CDADC1: variants seen among roughly 807,000 people sequenced by gnomAD.
The protein encoded by CDADC1 is cytidine and dCMP deaminase domain containing 1.
A neutral mutation model predicts 54.9 loss-of-function variants in CDADC1; 39 were observed. That is an observed-to-expected ratio of 0.71 (90% CI 0.55 to 0.93). CDADC1 has a LOEUF of 0.93. CDADC1 is among the 40% of genes least tolerant of loss of function. CDADC1 has a pLI of 0.00. For synonymous variants in CDADC1, 186 were observed against 204.0 expected (o/e 0.91, Z 0.75); for missense variants, 518 against 618.8 (o/e 0.84, Z 1.73).
Position 49,259,391 on chromosome 13 carries a change from G to T in CDADC1, c.298G>T (p.Gly100Cys). The T allele has an allele frequency of 6.2e-7, 1 of 1,613,396 alleles. No individual in the cohort carries two copies. The highest frequency in any genetic ancestry group is 2.2e-5 in the East Asian group (1 of 44,860). ...GGTGGTGAAAAACATGAAAATTGTT[G>T]GTCTCCACTGTTCTAGTGAAGATTT... The part of the protein sequence containing the change: ...LVVVKNMKIV[G>C]LHCSSEDLHA... Residue 100 changes from glycine (G) to cysteine (C), a missense_variant, in exon 4 of 10, where the codon GGT becomes TGT. Physicochemically the swap from Gly to Cys is radical, Grantham distance 159. Transcript: ENST00000251108.
In CDADC1 at chr13:49,277,509, G is replaced by T. The variant is rs573521513; in HGVS notation, c.1051-841G>T. 1.1e-4 allele frequency among the ~76,000 whole-genome samples: 17 copies of T among 152,204 alleles called. No individual in the cohort carries two copies. In the South Asian group the frequency reaches 3.5e-3, roughly 32 times the overall value. On this transcript the variant is annotated intron_variant, in intron 6 of 9. Coordinates refer to ENST00000251108, the MANE Select transcript of CDADC1 (RefSeq NM_030911.4). Reference sequence around the variant, plus strand: ...AATGTTCAAACAGATTTATTAATGAGATAATATTTTGTTTGCAGGCTTTTG... The same window carrying T: ...AATGTTCAAACAGATTTATTAATGATATAATATTTTGTTTGCAGGCTTTTG...
chr13:49,272,060 A>AT (rs5803453), intron 5 of CDADC1, among the ~76,000 whole-genome samples: 13 of 150,974 alleles, frequency 8.6e-5, no homozygotes, highest in Non-Finnish European at 1.3e-4. Flanking sequence ...GAAAAATCAC[A>AT]TTTTTTTTTT....
chr13:49,281,399 G>A (rs1365375647), intron 8 of CDADC1, among the ~76,000 whole-genome samples: 1 of 152,154 alleles, frequency 6.6e-6, no homozygotes, highest in Non-Finnish European at 1.5e-5. Context: ...GACCGGTTTT[G>A]TGGAAGACAA....
Position 49,292,850 on chromosome 13 carries a change from G to A in CDADC1, c.*1093G>A. ...ATCTGCGGTGGTCAGGTTTGCCTCT[G>A]CTTTTGTTCCCTGCCTTTCCGCCAC... On this transcript the variant is annotated 3_prime_UTR_variant, in exon 10 of 10. Transcript: ENST00000251108. 1 of 1,190,770 alleles carries A rather than the reference G, an allele frequency of 8.4e-7. No homozygotes were observed. Among genetic ancestry groups the A allele is most frequent in the Non-Finnish European group, 1.1e-6 (1 of 915,996 alleles). The allele number at this position is 1,190,770 out of a possible 1,614,324, so 73.8% of individuals were successfully genotyped here.
chr13:49,259,600 C>A, intron 4 of CDADC1, 77 bp downstream of exon 4: 1 of 1,425,222 alleles, frequency 7.0e-7, no homozygotes. Flanking sequence ...CCTGTCATCC[C>A]AGCACTTTGG....
intron 2 of CDADC1, 37 bp downstream of exon 2, chr13:49,249,002 C>A: frequency 7.4e-7 from 1 of 1,358,624 alleles, no homozygotes; most frequent in Non-Finnish European, 1.1e-6. Context: ...CTTAGAAAAG[C>A]AGTGGTTTAA....
In CDADC1 at chr13:49,280,586, T is replaced by C. The variant is rs1338700186; in HGVS notation, c.1298T>C (p.Ile433Thr). The C allele has an allele frequency of 1.3e-6, 2 of 1,585,124 alleles. No homozygotes were observed. Among genetic ancestry groups the C allele is most frequent in the Admixed American group, 1.8e-5 (1 of 55,830 alleles). ...CCATGTGATGAGTGTGTACCTTTAATTAAAGGTGCAGGCATAAAACAAATC... is the reference window on the plus strand; with the variant it reads ...CCATGTGATGAGTGTGTACCTTTAACTAAAGGTGCAGGCATAAAACAAATC... ...KCPCDECVPL[I>T]KGAGIKQIYA... The change falls in exon 8 of 10, where the codon ATT becomes ACT. Residue 433 changes from isoleucine (I) to threonine (T), a missense_variant. Transcript: ENST00000251108.
intron 6 of CDADC1, among the ~76,000 whole-genome samples, chr13:49,277,041 G>T (rs1346945260): frequency 6.6e-6 from 1 of 152,118 alleles, no homozygotes; most frequent in Non-Finnish European, 1.5e-5. Flanking sequence ...TTGAATTCTG[G>T]CTATGTTACT....
intron 3 of CDADC1, among the ~76,000 whole-genome samples, chr13:49,258,314 C>G (rs1163010600): frequency 6.6e-6 from 1 of 152,214 alleles, no homozygotes. Flanking sequence ...CTCTCCTTAG[C>G]CCAAGCTCCC....
At chr13:49,264,097 C>T (rs1406172654) in intron 4 of CDADC1, among the ~76,000 whole-genome samples, 2 of 152,188 alleles carry the variant, frequency 1.3e-5, no homozygotes, top group Non-Finnish European at 2.9e-5. Flanking sequence ...CATTATAAAA[C>T]CCTGTGGTTC....
chr13:49,278,238 G>T (rs1398637442), intron 6 of CDADC1, 112 bp from the exon 7 acceptor site: 12 of 745,322 alleles, frequency 1.6e-5, no homozygotes, highest in Non-Finnish European at 2.4e-5. Context: ...GTTTACTGTA[G>T]AAAATTGAAT....
At chr13:49,262,529 TTTTTA>T (rs542294412) in intron 4 of CDADC1, among the ~76,000 whole-genome samples, 208 of 152,224 alleles carry the variant, frequency 1.4e-3, no homozygotes, top group African/African-American at 4.8e-3. Context: ...CGTATCTTTA[TTTTTA>T]TTTTATTTTT....
chr13:49,248,735 C>T lies in CDADC1; in HGVS notation c.83-136C>T, dbSNP rs1050327620. ...GTCTACTGCTAAGATACCTCTGACT[C>T]TCTTGTCCCCTATCTTTTTCTGTGC... On this transcript the variant is annotated intron_variant, in intron 1 of 9. Transcript: ENST00000251108. 5.9e-6 allele frequency: 4 copies of T among 678,810 alleles called. No individual in the cohort carries two copies. In the African/African-American group the frequency reaches 7.2e-5, roughly 12 times the overall value. 42.0% of individuals were successfully genotyped at this position (678,810 alleles called of 1,614,324 possible).
chr13:49,272,991 T>A (rs1185708263), intron 5 of CDADC1, among the ~76,000 whole-genome samples: 1 of 152,210 alleles, frequency 6.6e-6, no homozygotes, highest in Non-Finnish European at 1.5e-5. Flanking sequence ...ATGGAAATTT[T>A]ATCTGCTTTA....
chr13:49,272,227 AT>A (rs1952985623), intron 5 of CDADC1, among the ~76,000 whole-genome samples: 1 of 152,178 alleles, frequency 6.6e-6, no homozygotes, highest in African/African-American at 2.4e-5. Flanking sequence ...TTCATTTTAG[AT>A]TTATGCATAA....
chr13:49,274,292 G>A lies in CDADC1; in HGVS notation c.1002G>A (p.Glu334=). 1 of 1,607,716 alleles carries A rather than the reference G, an allele frequency of 6.2e-7. No individual in the cohort carries two copies. The highest frequency in any genetic ancestry group is 8.5e-7 in the Non-Finnish European group (1 of 1,175,290). ...VQARLLAYRT[E]DHKTGVGAVI... is the part of the protein sequence containing the mutation. The stretch of plus-strand genomic sequence containing the variant: ...AGTTAAATGCCATATATCTTTCAGA[G>A]GATCATAAAACAGGAGTTGGGGCAG... Residue 334 remains glutamate (E), a splice_region_variant and synonymous_variant, in exon 6 of 10, where the codon GAG becomes GAA. Transcript: ENST00000251108.
intron 2 of CDADC1, among the ~76,000 whole-genome samples, chr13:49,252,267 A>ACTT (rs1952452422): frequency 6.6e-6 from 1 of 152,066 alleles, no homozygotes; most frequent in African/African-American, 2.4e-5. Context: ...GTAGGCCTTT[A>ACTT]CTTCTGTTCT....
chr13:49,291,786 TC>T lies in CDADC1; in HGVS notation c.*30del. On this transcript the variant is annotated 3_prime_UTR_variant, in exon 10 of 10. Transcript: ENST00000251108. ...GGCCTGTCTACACTGCAGGGGAACC[TC>T]AAGAACTTTTCATTGCACTTCTAAA... The T allele has an allele frequency of 6.3e-7, 1 of 1,597,136 alleles. No homozygotes were observed. The highest frequency in any genetic ancestry group is 8.5e-7 in the Non-Finnish European group (1 of 1,174,060).
At chr13:49,284,173 C>T (rs1210440437) in intron 8 of CDADC1, among the ~76,000 whole-genome samples, 1 of 152,216 alleles carries the variant, frequency 6.6e-6, no homozygotes, top group Non-Finnish European at 1.5e-5. Context: ...TCCATGTCCA[C>T]ATACTCAGTT....
Sources: allele counts gnomAD v4.1 joint callset (sites outside exome capture counted in the v4.1 genomes callset), GRCh38; gene constraint gnomAD v4.1.1; transcripts MANE v1.5; gene names NCBI Gene and HGNC (gene_info 2026-07-23, HGNC 2026-07-21).